The following ITPA variants were observed in gnomAD, a reference collection of about 807,000 sequenced individuals.
The protein encoded by ITPA is inosine triphosphatase.
In ITPA, 29 loss-of-function variants were observed where a neutral mutation model predicts 29.6. The observed-to-expected ratio is 0.98, with a 90% CI of 0.73 to 1.34. The LOEUF is 1.34. Ranked by LOEUF, ITPA falls within the 40% of genes most tolerant of loss-of-function variation. The probability of loss-of-function intolerance (pLI) is 0.00; values close to 1 mark genes in which losing one functional copy is unlikely to be tolerated. For missense variants in ITPA, 241 were observed against 251.5 expected, an observed-to-expected ratio of 0.96 and a Z score of 0.28; for synonymous variants, 103 against 99.3, an observed-to-expected ratio of 1.04 and a Z score of -0.22.
At chr20:3,215,572 C>A (rs2067274596) in intron 5 of ITPA, among the ~76,000 whole-genome samples, 2 of 152,176 alleles carry the variant, frequency 1.3e-5, no homozygotes, top group African/African-American at 4.8e-5. Flanking sequence ...GGAACTTGGC[C>A]CTTGTGACTG....
rs761938281 is a variant in ITPA at position 3,213,302 on chromosome 20, T to C, written c.125-17T>C. On this transcript the variant is annotated splice_polypyrimidine_tract_variant and intron_variant, in intron 2 of 7. Transcript: ENST00000380113. ...TTCCTGTGACCTGACTTTCTGTGTG[T>C]CTGTTTCCCTGATAAGTGCCGGAGT... is the stretch of plus-strand genomic sequence containing the variant. The C allele has an allele frequency of 2.5e-6, 4 of 1,614,152 alleles. No individual in the cohort carries two copies. In the South Asian group the frequency reaches 3.3e-5, roughly 13 times the overall value.
At position 3,223,651 on chromosome 20, in the gene ITPA, G is replaced by A. The variant is rs138324501; in HGVS notation, c.*189G>A. 20 of 625,158 alleles carry A rather than the reference G, an allele frequency of 3.2e-5. No homozygotes were observed. Among genetic ancestry groups the A allele is most frequent in the Admixed American group, 4.8e-5 (2 of 42,002 alleles). 38.7% of individuals were successfully genotyped at this position (625,158 alleles called of 1,614,324 possible). The stretch of plus-strand genomic sequence containing the variant: ...CTCTGAGAAACTCTGGCAAGTGGAC[G>A]CCATTCTCTTGCCCTTAGGATTCAC... On this transcript the variant is annotated 3_prime_UTR_variant, in exon 8 of 8. Coordinates refer to ENST00000380113, the MANE Select transcript of ITPA (RefSeq NM_033453.4).
At position 3,215,272 on chromosome 20, in the gene ITPA, C is replaced by G; in HGVS notation, c.264-9C>G. On this transcript the variant is annotated splice_polypyrimidine_tract_variant and intron_variant, in intron 4 of 7. Transcript: ENST00000380113. ...CCTGGTGTCTGACTGTCCTTTCTTT[C>G]TCTTGCAGAAAGTGGTTTCTGGAGA... is the stretch of plus-strand genomic sequence containing the variant. 1.2e-6 allele frequency: 2 copies of G among 1,613,728 alleles called. No homozygotes were observed. The highest frequency in any genetic ancestry group is 1.7e-6 in the Non-Finnish European group (2 of 1,179,628).
intron 5 of ITPA, among the ~76,000 whole-genome samples, chr20:3,215,872 G>C (rs2067283050): frequency 1.3e-5 from 2 of 151,868 alleles, no homozygotes; most frequent in Non-Finnish European, 1.5e-5. Flanking sequence ...TTTTAGTAGA[G>C]AGGGGGTTTC....
chr20:3,206,828 C>CAAAAA (rs1338065685), upstream of ITPA, among the ~76,000 whole-genome samples: 1 of 83,864 alleles, frequency 1.2e-5, no homozygotes. Flanking sequence ...GAGACTGTCT[C>CAAAAA]AAAAAAAAAA....
intron 7 of ITPA, 38 bp downstream of exon 7, chr20:3,221,955 T>TG (rs766250064): frequency 1.3e-6 from 2 of 1,597,208 alleles, no homozygotes; most frequent in South Asian, 2.2e-5. Flanking sequence ...GGTGTGGGGT[T>TG]GGTACAGCCA....
At chr20:3,204,486 G>C, upstream of ITPA, 1 of 1,524,390 alleles carries the variant, frequency 6.6e-7, no homozygotes, top group Non-Finnish European at 8.8e-7. Flanking sequence ...CAAAGGCTCA[G>C]AAGGCCAGAA....
upstream of ITPA, chr20:3,209,320 A>C: frequency 1.7e-6 from 1 of 605,626 alleles, no homozygotes; most frequent in Non-Finnish European, 3.0e-6. This position sits in a 1 kb window ranked among gnomAD's most constrained non-coding sequence, Gnocchi z 4.6. Context: ...CTTAGGCAGG[A>C]GGGGTGGGTC....
chr20:3,225,529 G>A (rs992138703), downstream of ITPA, among the ~76,000 whole-genome samples: 10 of 152,136 alleles, frequency 6.6e-5, no homozygotes, highest in Non-Finnish European at 1.5e-4. Flanking sequence ...CCGACCATGT[G>A]GGGGTTCCTG....
downstream of ITPA, among the ~76,000 whole-genome samples, chr20:3,227,181 T>C (rs772894166): frequency 6.6e-6 from 1 of 152,234 alleles, no homozygotes; most frequent in Non-Finnish European, 1.5e-5. Flanking sequence ...TCTGGACCCT[T>C]GCACATGCTG....
rs1399990155 is a variant in ITPA, at chr20:3,221,887, C to A, written c.458C>A (p.Pro153His). ...GGCTGCCAGGACTTTGGCTGGGACC[C>A]CTGCTTTCAGCCTGATGGATATGAG... ...PRGCQDFGWD[P>H]CFQPDGYEQT... Residue 153 changes from proline to histidine, a missense_variant, in exon 7 of 8, where the codon CCC (proline) becomes CAC (histidine). Pro to His is a moderately conservative substitution (Grantham distance 77, BLOSUM62 -2). Coordinates refer to ENST00000380113, the MANE Select transcript of ITPA (RefSeq NM_033453.4). 5.6e-6 allele frequency: 9 copies of A among 1,613,954 alleles called. No homozygotes were observed. The highest frequency in any genetic ancestry group is 5.3e-5 in the African/African-American group (4 of 74,928).
intron 1 of ITPA, among the ~76,000 whole-genome samples, chr20:3,211,629 A>G (rs2067176914): frequency 1.3e-5 from 2 of 152,174 alleles, no homozygotes; most frequent in African/African-American, 4.8e-5. Context: ...GGTAGCTGGG[A>G]CTACAGGTGT....
At chr20:3,220,174 C>A (rs2067426920) in intron 6 of ITPA, among the ~76,000 whole-genome samples, 1 of 152,232 alleles carries the variant, frequency 6.6e-6, no homozygotes, top group African/African-American at 2.4e-5. Context: ...GGTGATCTCC[C>A]ACCCTGGAGA....
chr20:3,212,742 T>C (rs1220185573), intron 1 of ITPA, among the ~76,000 whole-genome samples: 1 of 152,220 alleles, frequency 6.6e-6, no homozygotes, highest in Non-Finnish European at 1.5e-5. Context: ...AGTAATATTT[T>C]GGTTTGTTAC....
At chr20:3,221,662 C>T in intron 6 of ITPA, 179 bp from the exon 7 acceptor site, 4 of 682,364 alleles carry the variant, frequency 5.9e-6, no homozygotes, top group Non-Finnish European at 1.1e-5. Context: ...AGCTGCCCCG[C>T]TCTGCTTTTT....
chr20:3,218,815 G>A, intron 6 of ITPA, 183 bp downstream of exon 6: 1 of 655,316 alleles, frequency 1.5e-6, no homozygotes, highest in Non-Finnish European at 2.8e-6. Context: ...CTAGGAGGGT[G>A]GTGGAAAGGG....
At chr20:3,226,706 T>A (rs1296795626), downstream of ITPA, among the ~76,000 whole-genome samples, 1 of 152,214 alleles carries the variant, frequency 6.6e-6, no homozygotes, top group Non-Finnish European at 1.5e-5. The surrounding 1 kb of genome is among the most constrained non-coding windows in gnomAD (Gnocchi z 4.4). Context: ...CAATCTCTTC[T>A]GTCGGCCAAC....
At chr20:3,212,997 G>T (rs1389133529) in intron 1 of ITPA, among the ~76,000 whole-genome samples, 172 bp from the exon 2 acceptor site, 1 of 152,076 alleles carries the variant, frequency 6.6e-6, no homozygotes, top group Non-Finnish European at 1.5e-5. Flanking sequence ...GATGGAAGGG[G>T]CTGGCTTGCT....
In ITPA at chr20:3,213,969, T is replaced by C. The variant is rs2067231156; in HGVS notation, c.190-16T>C. Reference sequence around the variant, plus strand: ...GGTGATCATGGGTCTCAGGGCTGTATGTCTTTGTGCTGCAGGTACAGGGGC... The same window carrying C: ...GGTGATCATGGGTCTCAGGGCTGTACGTCTTTGTGCTGCAGGTACAGGGGC... On this transcript the variant is annotated splice_polypyrimidine_tract_variant and intron_variant, in intron 3 of 7. Coordinates refer to ENST00000380113, the MANE Select transcript of ITPA (RefSeq NM_033453.4). 1 of 1,614,098 alleles carries C rather than the reference T, an allele frequency of 6.2e-7. No individual in the cohort carries two copies. Among genetic ancestry groups the C allele is most frequent in the Non-Finnish European group, 8.5e-7 (1 of 1,179,930 alleles).
Sources: allele counts gnomAD v4.1 joint callset (sites outside exome capture counted in the v4.1 genomes callset), GRCh38; gene constraint gnomAD v4.1.1; non-coding constraint Gnocchi (gnomAD v3.1); transcripts MANE v1.5; gene names NCBI Gene and HGNC (gene_info 2026-07-23, HGNC 2026-07-21).